Variants in SUMF1 observed in about 807,000 individuals in gnomAD.
SUMF1 encodes the protein formylglycine-generating enzyme.
SUMF1 carries 48 observed loss-of-function variants against 47.6 expected under a neutral mutation model. That is an observed-to-expected ratio of 1.01 (90% CI 0.80 to 1.28). The LOEUF is 1.28. Among genes scored for constraint, SUMF1 ranks in the 50% most tolerant of loss-of-function variants. The probability of loss-of-function intolerance (pLI) is 0.00; values close to 1 mark genes in which losing one functional copy is unlikely to be tolerated. For synonymous variants in SUMF1, 230 were observed against 192.1 expected (o/e 1.20, Z -1.63); for missense variants, 571 against 485.4 (o/e 1.18, Z -1.66).
chr3:4,432,080 G>A (rs758487967), intron 3 of SUMF1, among the ~76,000 whole-genome samples: 1 of 151,796 alleles, frequency 6.6e-6, no homozygotes, highest in Non-Finnish European at 1.5e-5. Flanking sequence ...GGGATCAGAT[G>A]GAATAGATCA....
chr3:4,423,022 G>A (rs1575204492), intron 3 of SUMF1, among the ~76,000 whole-genome samples: 1 of 152,116 alleles, frequency 6.6e-6, no homozygotes, highest in African/African-American at 2.4e-5. Flanking sequence ...TTATAAGTGA[G>A]AACATATGTT....
At chr3:4,045,007 C>A (rs931875619) in intron 9 of SUMF1, among the ~76,000 whole-genome samples, 2 of 152,324 alleles carry the variant, frequency 1.3e-5, no homozygotes, top group South Asian at 4.1e-4. Context: ...TATTTCCTTA[C>A]CTATAAAATG....
intron 8 of SUMF1, among the ~76,000 whole-genome samples, chr3:4,108,254 C>A (rs1186073783): frequency 1.3e-5 from 2 of 152,224 alleles, no homozygotes; most frequent in East Asian, 3.9e-4. Flanking sequence ...GTTTCTTAAT[C>A]CTGAGTTCTA....
chr3:4,340,211 C>A (rs1006673015), intron 8 of SUMF1, among the ~76,000 whole-genome samples: 11 of 152,052 alleles, frequency 7.2e-5, no homozygotes, highest in African/African-American at 2.7e-4. Flanking sequence ...GCATTTGAAA[C>A]AAGTTTCCAG....
chr3:4,411,902 T>C (rs984750553), intron 6 of SUMF1, among the ~76,000 whole-genome samples: 2 of 152,196 alleles, frequency 1.3e-5, no homozygotes, highest in Non-Finnish European at 2.9e-5. Flanking sequence ...TGTAAATCCA[T>C]GCTTTTTCCA....
chr3:4,374,001 C>A (rs1700247530), intron 8 of SUMF1, among the ~76,000 whole-genome samples: 2 of 147,212 alleles, frequency 1.4e-5, no homozygotes, highest in Non-Finnish European at 3.0e-5. Flanking sequence ...TGATAAAAAA[C>A]TCTAAAAAAT....
At chr3:4,168,184 C>T (rs1694754105) in intron 8 of SUMF1, among the ~76,000 whole-genome samples, 1 of 152,150 alleles carries the variant, frequency 6.6e-6, no homozygotes, top group African/African-American at 2.4e-5. Context: ...TCTTTCCAAA[C>T]ATGATCACAA....
At chr3:4,313,495 A>G (rs376079964) in intron 8 of SUMF1, 1 of 1,613,970 alleles carries the variant, frequency 6.2e-7, no homozygotes, top group South Asian at 1.1e-5. Flanking sequence ...AGCCAAAGAT[A>G]TTGTGCCAGA....
At chr3:4,108,769 T>C (rs1412310620) in intron 8 of SUMF1, among the ~76,000 whole-genome samples, 2 of 152,136 alleles carry the variant, frequency 1.3e-5, no homozygotes, top group African/African-American at 4.8e-5. Flanking sequence ...CTGTTTTCCA[T>C]TTGCTTGGTA....
At chr3:4,362,887 C>G (rs895519897) in intron 8 of SUMF1, among the ~76,000 whole-genome samples, 3 of 151,730 alleles carry the variant, frequency 2.0e-5, no homozygotes, top group African/African-American at 7.3e-5. Flanking sequence ...GTACTAAAGC[C>G]TGGGTGACAG....
intron 8 of SUMF1, among the ~76,000 whole-genome samples, chr3:4,366,469 T>G (rs1041681152): frequency 6.6e-6 from 1 of 151,702 alleles, no homozygotes; most frequent in Non-Finnish European, 1.5e-5. Flanking sequence ...ATTCATTTCA[T>G]CTTCCATCAC....
intron 8 of SUMF1, among the ~76,000 whole-genome samples, chr3:4,233,460 T>C (rs1194752718): frequency 6.6e-6 from 1 of 152,170 alleles, no homozygotes; most frequent in South Asian, 2.1e-4. Context: ...CATGAGAAAG[T>C]AGTCAACTTA....
chr3:4,250,283 G>A (rs1575018982), intron 8 of SUMF1, among the ~76,000 whole-genome samples: 2 of 148,428 alleles, frequency 1.3e-5, no homozygotes, highest in African/African-American at 5.0e-5. Context: ...AAAGGGGGAA[G>A]GAAGGGAAGA....
intron 8 of SUMF1, among the ~76,000 whole-genome samples, chr3:4,211,195 C>CACACATATATATAT (rs1559569917): frequency 1.7e-5 from 1 of 57,544 alleles, no homozygotes; most frequent in African/African-American, 7.0e-5. Flanking sequence ...TATACATATA[C>CACACATATATATAT]ATACATACAT....
chr3:4,367,612 AAC>A (rs1437173410), intron 8 of SUMF1, among the ~76,000 whole-genome samples: 1 of 152,134 alleles, frequency 6.6e-6, no homozygotes, highest in Non-Finnish European at 1.5e-5. Flanking sequence ...TAACCAAAAC[AAC>A]ATGGTACTGG....
intron 9 of SUMF1, among the ~76,000 whole-genome samples, chr3:4,043,449 A>G (rs1694945958): frequency 6.6e-6 from 1 of 152,148 alleles, no homozygotes; most frequent in South Asian, 2.1e-4. Flanking sequence ...ACAGGCTGCC[A>G]AAAACTTTTA....
At chr3:4,192,917 A>C (rs1695351285) in intron 8 of SUMF1, among the ~76,000 whole-genome samples, 1 of 152,134 alleles carries the variant, frequency 6.6e-6, no homozygotes, top group Non-Finnish European at 1.5e-5. Context: ...CCAAAAGGAG[A>C]GTCTGACATG....
rs1224160844 is a variant in SUMF1, at chr3:4,392,010, TAG to T, written c.955-15623_955-15622del. 7.2e-5 allele frequency among the ~76,000 whole-genome samples: 11 copies of T among 152,112 alleles called. No homozygotes were observed. In the South Asian group the frequency reaches 2.3e-3, roughly 32 times the overall value. On this transcript the variant is annotated intron_variant, in intron 7 of 8. Transcript: ENST00000272902. ...TACCTGGCTAATTTTTTATTTCTTG[TAG>T]AGACATGGTTTCTCCATGTTACCAG...
chr3:4,135,492 CTA>C (rs1693904124), intron 8 of SUMF1, among the ~76,000 whole-genome samples: 1 of 151,792 alleles, frequency 6.6e-6, no homozygotes, highest in African/African-American at 2.4e-5. Context: ...TAACAGCTAT[CTA>C]TGACAAACCC....
Sources: allele counts gnomAD v4.1 joint callset (sites outside exome capture counted in the v4.1 genomes callset), GRCh38; gene constraint gnomAD v4.1.1; transcripts MANE v1.5; gene names NCBI Gene and HGNC (gene_info 2026-07-23, HGNC 2026-07-21).